USP46: variants seen among roughly 807,000 people sequenced by gnomAD.
The protein encoded by USP46 is ubiquitin carboxyl-terminal hydrolase 46.
USP46 carries 12 observed loss-of-function variants against 44.4 expected under a neutral mutation model. The ratio of observed to expected loss-of-function variants is 0.27; its 90% confidence interval spans 0.17 to 0.44. The LOEUF is 0.44. Among genes scored for constraint, USP46 ranks in the 20% least tolerant of loss-of-function variants. The pLI is 1.00. For synonymous variants in USP46, 155 were observed against 161.5 expected (o/e 0.96, Z 0.31); for missense variants, 248 against 444.8 (o/e 0.56, Z 3.98).
At chr4:52,639,336 T>G (rs1718241589) in intron 1 of USP46, among the ~76,000 whole-genome samples, 1 of 152,240 alleles carries the variant, frequency 6.6e-6, no homozygotes, top group African/African-American at 2.4e-5. Context: ...TTTTCTCTCA[T>G]GTAAGTATGC....
chr4:52,618,554 C>CAG (rs1717252767), intron 4 of USP46, among the ~76,000 whole-genome samples: 1 of 152,108 alleles, frequency 6.6e-6, no homozygotes, highest in Non-Finnish European at 1.5e-5. Flanking sequence ...GCCTGGGCAA[C>CAG]AGAGAGAGAC....
chr4:52,644,424 G>A (rs545849149), intron 1 of USP46, among the ~76,000 whole-genome samples: 3 of 152,222 alleles, frequency 2.0e-5, no homozygotes, highest in African/African-American at 7.2e-5. Flanking sequence ...CCAACCCCCA[G>A]GTACAGTTCT....
intron 1 of USP46, among the ~76,000 whole-genome samples, chr4:52,645,224 C>CAAAAAAAAAAAAA (rs74266163): frequency 1.3e-5 from 1 of 79,814 alleles, no homozygotes. Context: ...GACTCTATCT[C>CAAAAAAAAAAAAA]AAAAAAAAAA....
At chr4:52,636,316 G>A (rs1160916838) in intron 1 of USP46, among the ~76,000 whole-genome samples, 2 of 152,148 alleles carry the variant, frequency 1.3e-5, no homozygotes, top group African/African-American at 4.8e-5. Flanking sequence ...CAGCCTCCCA[G>A]AAGAACACAG....
chr4:52,632,952 G>GAA (rs1183037765), intron 1 of USP46, among the ~76,000 whole-genome samples: 1 of 69,874 alleles, frequency 1.4e-5, no homozygotes, highest in Non-Finnish European at 2.7e-5. Flanking sequence ...AAGAAAGAAA[G>GAA]AAAGAAAGAA....
chr4:52,610,628 A>G lies in USP46; in HGVS notation c.562-11T>C, dbSNP rs1716902332. ...ATCTTTGCTACTAACCTGAAACAAA[A>G]AACAGAAACAATATATTAGGCATGA... On this transcript the variant is annotated splice_polypyrimidine_tract_variant and intron_variant, in intron 4 of 8. Coordinates refer to ENST00000441222, the MANE Select transcript of USP46 (RefSeq NM_022832.4). The G allele has an allele frequency of 6.2e-7, 1 of 1,612,934 alleles. No homozygotes were observed. The highest frequency in any genetic ancestry group is 1.7e-5 in the Admixed American group (1 of 59,940).
In USP46 at chr4:52,598,185, A is replaced by G. The variant is rs920328150; in HGVS notation, c.999+443T>C. On this transcript the variant is annotated intron_variant, in intron 8 of 8. Transcript: ENST00000441222. Reference sequence around the variant, plus strand: ...TTCTTTTATAACAAAATCAATACATAGAATGTATTGGTATAATATAAAGAT... The same window carrying G: ...TTCTTTTATAACAAAATCAATACATGGAATGTATTGGTATAATATAAAGAT... 2.0e-5 allele frequency among the ~76,000 whole-genome samples: 3 copies of G among 152,270 alleles called. No homozygotes were observed. In the East Asian group the frequency reaches 5.8e-4, roughly 29 times the overall value.
At position 52,593,069 on chromosome 4, in the gene USP46, A is replaced by T; in HGVS notation, c.*4571T>A. 1 of 397,464 alleles carries T rather than the reference A, an allele frequency of 2.5e-6. No individual in the cohort carries two copies. 24.6% of individuals were successfully genotyped at this position (397,464 alleles called of 1,614,324 possible). A position where few individuals can be genotyped will look rare whatever the true frequency, so the allele number is the denominator to read the frequency against. ...TGTCTTTATAGCACTGCCAGAATGG[A>T]CAAATACAACGACTTAGTAAGTATT... On this transcript the variant is annotated 3_prime_UTR_variant, in exon 9 of 9. Transcript: ENST00000441222.
At chr4:52,629,527 A>G (rs890366818) in intron 2 of USP46, 20 of 451,388 alleles carry the variant, frequency 4.4e-5, no homozygotes, top group Non-Finnish European at 8.9e-6. Context: ...AAATGGCTAA[A>G]AAGTTTGTTT....
chr4:52,639,056 C>T (rs1372485640), intron 1 of USP46, among the ~76,000 whole-genome samples: 2 of 152,134 alleles, frequency 1.3e-5, no homozygotes, highest in East Asian at 3.9e-4. Flanking sequence ...TTTGTGCATC[C>T]TTAACAGACT....
intron 1 of USP46, among the ~76,000 whole-genome samples, chr4:52,651,588 A>G (rs1718772899): frequency 2.0e-5 from 3 of 152,246 alleles, no homozygotes; most frequent in Admixed American, 2.0e-4. Flanking sequence ...AGATCCAGAT[A>G]AAAATTTTCC....
chr4:52,605,509 GAA>G (rs1419781301), intron 5 of USP46, among the ~76,000 whole-genome samples: 10 of 152,176 alleles, frequency 6.6e-5, no homozygotes, highest in African/African-American at 2.4e-4. Flanking sequence ...TTATTAAACA[GAA>G]AATGTTATTT....
At position 52,631,899 on chromosome 4, in the gene USP46, G is replaced by A. The variant is rs187862368; in HGVS notation, c.37-755C>T. ...CAGGCATCTGTAATCCCAGCTACTCGGGAGGCTGAGACATGAGAACTGCTT... is the reference window on the plus strand; with the variant it reads ...CAGGCATCTGTAATCCCAGCTACTCAGGAGGCTGAGACATGAGAACTGCTT... On this transcript the variant is annotated intron_variant, in intron 1 of 8. Transcript: ENST00000441222. Among the ~76,000 whole-genome samples the A allele has an allele frequency of 5.9e-3, 900 of 152,108 alleles. 3 individuals are homozygous for A. Among genetic ancestry groups the A allele is most frequent in the Admixed American group, 0.01 (155 of 15,272 alleles).
chr4:52,645,184 C>T (rs1577695396), intron 1 of USP46, among the ~76,000 whole-genome samples: 1 of 148,528 alleles, frequency 6.7e-6, no homozygotes, highest in South Asian at 2.1e-4. Context: ...GAGATCGCGC[C>T]ACTGCACTCC....
chr4:52,633,018 G>GAA (rs1189495725), intron 1 of USP46, among the ~76,000 whole-genome samples: 1 of 143,298 alleles, frequency 7.0e-6, no homozygotes, highest in African/African-American at 2.7e-5. Context: ...AAGAAAGAAA[G>GAA]AAAGAAAGAA....
At chr4:52,637,736 C>A (rs1188506461) in intron 1 of USP46, among the ~76,000 whole-genome samples, 5 of 152,220 alleles carry the variant, frequency 3.3e-5, no homozygotes, top group Admixed American at 3.3e-4. Flanking sequence ...TCTAACCCCA[C>A]TGTCAACGCT....
At chr4:52,656,171 T>A in intron 1 of USP46, 2 of 862,832 alleles carry the variant, frequency 2.3e-6, no homozygotes, top group South Asian at 3.1e-5. Context: ...AAGAAAAAAA[T>A]GCAATCACCA....
rs1010879583 is a variant in USP46, at chr4:52,630,396, C to T, written c.117+668G>A. 4.6e-5 allele frequency among the ~76,000 whole-genome samples: 7 copies of T among 152,326 alleles called. No individual in the cohort carries two copies. In the East Asian group the frequency reaches 7.7e-4, roughly 17 times the overall value. On this transcript the variant is annotated intron_variant, in intron 2 of 8. Coordinates refer to ENST00000441222, the MANE Select transcript of USP46 (RefSeq NM_022832.4). The stretch of plus-strand genomic sequence containing the variant: ...TAATGTTTTTAAAACACTGGTTGTA[C>T]TGATGCATACTTAAACAAAGACTGG...
chr4:52,657,378 C>G (rs923786638), intron 1 of USP46, among the ~76,000 whole-genome samples: 8 of 150,252 alleles, frequency 5.3e-5, no homozygotes, highest in African/African-American at 1.9e-4. Context: ...GGTGGGGGGA[C>G]GCGTGGGGGG....
Sources: allele counts gnomAD v4.1 joint callset (sites outside exome capture counted in the v4.1 genomes callset), GRCh38; gene constraint gnomAD v4.1.1; transcripts MANE v1.5; gene names NCBI Gene and HGNC (gene_info 2026-07-23, HGNC 2026-07-21).